The following ANHX variants were observed in gnomAD, a reference collection of about 807,000 sequenced individuals.
ANHX encodes anomalous homeobox protein.
Under a neutral mutation model 38.9 loss-of-function variants are expected in ANHX, and 20 were observed. The observed-to-expected ratio is 0.51, with a 90% CI of 0.36 to 0.75. ANHX has a LOEUF of 0.75. ANHX is among the 30% of genes least tolerant of loss of function. ANHX has a pLI of 0.00. For missense variants in ANHX, 475 were observed against 493.1 expected, an observed-to-expected ratio of 0.96 and a Z score of 0.35; for synonymous variants, 185 against 203.1, an observed-to-expected ratio of 0.91 and a Z score of 0.76.
chr12:133,223,593 C>T (rs911505112), intron 7 of ANHX, among the ~76,000 whole-genome samples: 1 of 151,790 alleles, frequency 6.6e-6, no homozygotes, highest in African/African-American at 2.4e-5. Context: ...CAACAGGCAC[C>T]ACCACCATGC....
chr12:133,234,189 C>T lies in ANHX; in HGVS notation c.168G>A (p.Leu56=). ...ACGCCAGGGCCACATCTGCGTTGTC[C>T]AGGAGATGCAGGCGGAGCTGGCTGT... ...ILDSQLRLHL[L]DNADVALACA... is the part of the protein sequence containing the mutation. Residue 56 remains leucine (L), a synonymous_variant, in exon 2 of 10, where the codon CTG becomes CTA. Transcript: ENST00000545940. The T allele has an allele frequency of 6.5e-7, 1 of 1,536,148 alleles. No homozygotes were observed. The highest frequency in any genetic ancestry group is 8.7e-7 in the Non-Finnish European group (1 of 1,146,908).
intron 6 of ANHX, 145 bp downstream of exon 6, chr12:133,226,173 G>T (rs1234294904): frequency 6.0e-6 from 8 of 1,323,872 alleles, no homozygotes; most frequent in Non-Finnish European, 7.2e-6. Flanking sequence ...CTCCTTGCTG[G>T]TGGCTTCCCT....
chr12:133,220,535 C>T (rs1957094402), intron 8 of ANHX, among the ~76,000 whole-genome samples: 1 of 152,242 alleles, frequency 6.6e-6, no homozygotes. Context: ...ATTCTGCCCT[C>T]ACTAGCATGA....
chr12:133,234,259 T>G lies in ANHX; in HGVS notation c.98A>C (p.Gln33Pro), dbSNP rs1311608088. The part of the protein sequence containing the change: ...TLAGRLCRDF[Q>P]DDLAQLQPLV... ...AGGCTGCAGTTGGGCAAGGTCATCC[T>G]GGAAGTCCCGGCACAGTCTGCCCGC... Residue 33 changes from glutamine (Q) to proline (P), a missense_variant, in exon 2 of 10, where the codon CAG becomes CCG. By Grantham distance (76) the Gln-to-Pro change is moderately conservative. Transcript: ENST00000545940. 39 of 1,536,034 alleles carry G rather than the reference T, an allele frequency of 2.5e-5. No homozygotes were observed. Among genetic ancestry groups the G allele is most frequent in the Non-Finnish European group, 3.3e-5 (38 of 1,146,908 alleles).
intron 3 of ANHX, among the ~76,000 whole-genome samples, chr12:133,230,635 G>T (rs1458201657): frequency 6.6e-6 from 1 of 152,104 alleles, no homozygotes; most frequent in Admixed American, 6.5e-5. Flanking sequence ...AATTAGCTGG[G>T]CATGGTGGTC....
chr12:133,226,591 AACAATCCATAATT>A (rs1957192682), intron 5 of ANHX, among the ~76,000 whole-genome samples, 153 bp from the exon 6 acceptor site: 1 of 152,168 alleles, frequency 6.6e-6, no homozygotes, highest in South Asian at 2.1e-4. Flanking sequence ...GGTGTGAACC[AACAATCCATAATT>A]GCCAACCCAG....
chr12:133,233,605 A>C (rs958128591), intron 2 of ANHX, among the ~76,000 whole-genome samples: 1 of 152,220 alleles, frequency 6.6e-6, no homozygotes, highest in African/African-American at 2.4e-5. Flanking sequence ...CAGTGGTCAC[A>C]TTAGTTGGAA....
chr12:133,230,005 G>A (rs959810517), intron 3 of ANHX, among the ~76,000 whole-genome samples: 3 of 152,126 alleles, frequency 2.0e-5, no homozygotes, highest in Non-Finnish European at 2.9e-5. Context: ...TCTCCTCCAA[G>A]ACTAGGACCA....
chr12:133,232,244 C>G (rs1363124563), intron 2 of ANHX, among the ~76,000 whole-genome samples: 1 of 44,260 alleles, frequency 2.3e-5, no homozygotes, highest in Non-Finnish European at 4.6e-5. Flanking sequence ...CTTAACTGGA[C>G]TTTGCTGATG....
intron 3 of ANHX, among the ~76,000 whole-genome samples, 190 bp from the exon 4 acceptor site, chr12:133,228,137 T>G (rs555759842): frequency 6.6e-6 from 1 of 152,140 alleles, no homozygotes; most frequent in East Asian, 1.9e-4. Context: ...TGACAAATAC[T>G]GTTCCAGAAC....
rs375176246 is a variant in ANHX, at chr12:133,232,006, G to A, written c.250-362C>T. Among the ~76,000 whole-genome samples, 27 of 152,270 alleles carry A rather than the reference G, an allele frequency of 1.8e-4. No homozygotes were observed. The East Asian group carries it at 4.2e-3, about 24-fold the overall frequency. On this transcript the variant is annotated intron_variant, in intron 2 of 9. Transcript: ENST00000545940. ...GCTCCCAGCTGTACCTCAAAGGTAA[G>A]GCACATGTGGCAAGGGGAAGTCCAG...
rs1957068045 is a variant in ANHX at position 133,218,726 on chromosome 12, G to A, written c.*159C>T. The A allele has an allele frequency of 4.0e-6, 2 of 495,772 alleles. No homozygotes were observed. The highest frequency in any genetic ancestry group is 7.0e-6 in the Non-Finnish European group (2 of 286,106). The allele number at this position is 495,772 out of a possible 1,614,324, so 30.7% of individuals were successfully genotyped here. A position where few individuals can be genotyped will look rare whatever the true frequency, so the allele number is the denominator to read the frequency against. On this transcript the variant is annotated 3_prime_UTR_variant, in exon 10 of 10. Transcript: ENST00000545940. Reference sequence around the variant, plus strand: ...ATTGCTAACCAAACTATTCAAACATGGCAGTGGGAAAGAATCTCTGCTTTT... The same window carrying A: ...ATTGCTAACCAAACTATTCAAACATAGCAGTGGGAAAGAATCTCTGCTTTT...
At chr12:133,235,708 C>T (rs1254002278) in intron 1 of ANHX, 99 bp downstream of exon 1, 1 of 132,564 alleles carries the variant, frequency 7.5e-6, no homozygotes, top group Non-Finnish European at 1.7e-5. Context: ...CGCCCCTCAC[C>T]CTCTGGGACC....
At chr12:133,231,494 A>T (rs1290340301) in intron 3 of ANHX, 23 bp downstream of exon 3, 2 of 1,535,984 alleles carry the variant, frequency 1.3e-6, no homozygotes, top group South Asian at 2.4e-5. Context: ...TGAAATATGC[A>T]CAAGTAAATG....
Position 133,219,304 on chromosome 12 carries a change from G to C in ANHX, c.1344C>G (p.Ser448Arg). The C allele has an allele frequency of 6.5e-7, 1 of 1,535,572 alleles. No homozygotes were observed. The highest frequency in any genetic ancestry group is 8.7e-7 in the Non-Finnish European group (1 of 1,146,824). Residue 448 changes from serine (S) to arginine (R), a missense_variant, in exon 9 of 10, where the codon AGC becomes AGG. By Grantham distance (110) the Ser-to-Arg change is moderately radical. Transcript: ENST00000545940. ...FPGPVSAMEL[S>R]QALPSSQVQC... The stretch of plus-strand genomic sequence containing the variant: ...TCACCTGGCTGGAGGGCAGGGCCTG[G>C]CTCAGCTCCATGGCAGACACAGGGC...
In ANHX at chr12:133,221,714, C is replaced by T. The variant is rs1248939565; in HGVS notation, c.1133-362G>A. Among the ~76,000 whole-genome samples, 1 of 152,208 alleles carries T rather than the reference C, an allele frequency of 6.6e-6. No homozygotes were observed. On this transcript the variant is annotated intron_variant, in intron 7 of 9. Transcript: ENST00000545940. The surrounding 1 kb of genome is among the most constrained non-coding windows in gnomAD (Gnocchi z 4.1). Reference sequence around the variant, plus strand: ...AGGAGCCCTCAGTCTCCTCTTGTGGCTGGTTCACGGAGTGCTTGGCCACCA... The same window carrying T: ...AGGAGCCCTCAGTCTCCTCTTGTGGTTGGTTCACGGAGTGCTTGGCCACCA...
chr12:133,231,148 T>C (rs1413774059), intron 3 of ANHX, among the ~76,000 whole-genome samples: 1 of 152,138 alleles, frequency 6.6e-6, no homozygotes, highest in South Asian at 2.1e-4. Flanking sequence ...CTGCCCTCCA[T>C]CTCCACTGTC....
chr12:133,226,138 C>G (rs1433368776), intron 6 of ANHX, among the ~76,000 whole-genome samples, 180 bp downstream of exon 6: 3 of 152,160 alleles, frequency 2.0e-5, no homozygotes, highest in African/African-American at 7.2e-5. Flanking sequence ...GAAGAAGCCA[C>G]CCCCACCCCA....
chr12:133,233,919 T>C (rs901594064), intron 2 of ANHX, among the ~76,000 whole-genome samples, 189 bp downstream of exon 2: 2 of 152,194 alleles, frequency 1.3e-5, no homozygotes, highest in African/African-American at 2.4e-5. Flanking sequence ...AGTTAGAGCT[T>C]AGTAATGTGA....
Sources: gnomAD v4.1 joint callset for allele counts (sites outside exome capture counted in the v4.1 genomes callset) on GRCh38, gnomAD v4.1.1 for gene constraint, Gnocchi (gnomAD v3.1) non-coding constraint, MANE v1.5 for transcripts, NCBI Gene and HGNC (gene_info 2026-07-23, HGNC 2026-07-21) for gene names.